ARHGEF26: variants seen among roughly 807,000 people sequenced by gnomAD.
ARHGEF26 encodes Rho guanine nucleotide exchange factor 26.
A neutral mutation model predicts 89.4 loss-of-function variants in ARHGEF26; 59 were observed. The ratio of observed to expected loss-of-function variants is 0.66; its 90% CI spans 0.54 to 0.82. The LOEUF (loss-of-function observed/expected upper bound fraction) is 0.82, where lower values mean the gene tolerates loss of function less well. Among genes scored for constraint, ARHGEF26 ranks in the 40% least tolerant of loss-of-function variants. The pLI, the probability that ARHGEF26 is intolerant of heterozygous loss-of-function variation, is 0.00. For missense variants in ARHGEF26, 1,234 were observed against 1,085.6 expected (o/e 1.14, Z -1.92); for synonymous variants, 500 against 428.4 (o/e 1.17, Z -2.06).
intron 6 of ARHGEF26, among the ~76,000 whole-genome samples, chr3:154,158,330 C>T (rs1340334702): frequency 1.3e-5 from 2 of 152,096 alleles, no homozygotes; most frequent in Non-Finnish European, 2.9e-5. Flanking sequence ...CTCTTATTAA[C>T]ACCTTCCTGT....
intron 6 of ARHGEF26, among the ~76,000 whole-genome samples, chr3:154,182,893 G>A (rs1004948853): frequency 1.6e-4 from 24 of 152,212 alleles, no homozygotes; most frequent in Admixed American, 1.6e-3. Flanking sequence ...CAAAAATGTA[G>A]TGCCACATTT....
chr3:154,134,541 G>C (rs1268307121), intron 4 of ARHGEF26, among the ~76,000 whole-genome samples: 1 of 152,014 alleles, frequency 6.6e-6, no homozygotes, highest in Non-Finnish European at 1.5e-5. Flanking sequence ...ACTCCCACCT[G>C]GTCCCCCCAA....
intron 4 of ARHGEF26, among the ~76,000 whole-genome samples, chr3:154,147,234 C>G (rs561754582): frequency 6.6e-6 from 1 of 152,072 alleles, no homozygotes; most frequent in Non-Finnish European, 1.5e-5. Flanking sequence ...GTGAAACCCC[C>G]TCTCCACTAA....
At chr3:154,156,263 G>T (rs1286156411) in intron 6 of ARHGEF26, among the ~76,000 whole-genome samples, 1 of 151,938 alleles carries the variant, frequency 6.6e-6, no homozygotes, top group Non-Finnish European at 1.5e-5. Flanking sequence ...TTTATTTAAA[G>T]TATAGACTAA....
chr3:154,123,448 T>G (rs1718124712), intron 2 of ARHGEF26, among the ~76,000 whole-genome samples: 1 of 152,154 alleles, frequency 6.6e-6, no homozygotes, highest in African/African-American at 2.4e-5. Context: ...TGTCTGGAGT[T>G]TGCTTAGAGG....
At chr3:154,177,907 A>G (rs1233601470) in intron 6 of ARHGEF26, among the ~76,000 whole-genome samples, 1 of 152,126 alleles carries the variant, frequency 6.6e-6, no homozygotes, top group African/African-American at 2.4e-5. Flanking sequence ...TGCACTTATT[A>G]AAAGGGCTTT....
In ARHGEF26 at chr3:154,226,069, G is replaced by A. The variant is rs970522649; in HGVS notation, c.2090+59G>A. The A allele has an allele frequency of 2.0e-6, 3 of 1,488,962 alleles. No individual in the cohort carries two copies. In the African/African-American group the frequency reaches 4.2e-5, roughly 21 times the overall value. The allele number at this position is 1,488,962 out of a possible 1,614,324, so 92.2% of individuals were successfully genotyped here. ...TCCAGTTTTAAAGTTCTGTAATTCA[G>A]ATGCCTGTTAGGGTGATCATCCTTT... On this transcript the variant is annotated intron_variant, in intron 11 of 14. Coordinates refer to ENST00000465093, the MANE Select transcript of ARHGEF26 (RefSeq NM_015595.4).
At chr3:154,163,711 G>A (rs1711806848) in intron 6 of ARHGEF26, among the ~76,000 whole-genome samples, 1 of 152,090 alleles carries the variant, frequency 6.6e-6, no homozygotes, top group Admixed American at 6.6e-5. Flanking sequence ...CAGCTCTGTG[G>A]CACATCATAA....
intron 6 of ARHGEF26, among the ~76,000 whole-genome samples, chr3:154,176,925 T>C (rs1019778292): frequency 2.0e-5 from 3 of 152,160 alleles, no homozygotes; most frequent in Non-Finnish European, 4.4e-5. Flanking sequence ...ATTATAGGCA[T>C]ACACCTCTGT....
chr3:154,201,429 G>C lies in ARHGEF26; in HGVS notation c.1845+6711G>C, dbSNP rs550493670. On this transcript the variant is annotated intron_variant, in intron 9 of 14. Transcript: ENST00000465093. ...TGTTGGACATTTGGGTTGGTTCCAA[G>C]TCTTTGCTATTGTGAATAGTGCCAC... is the stretch of plus-strand genomic sequence containing the variant. Among the ~76,000 whole-genome samples, 907 of 152,154 alleles carry C rather than the reference G, an allele frequency of 6.0e-3. 7 individuals are homozygous for C. Among genetic ancestry groups the C allele is most frequent in the African/African-American group, 0.021 (852 of 41,484 alleles).
In ARHGEF26 at chr3:154,255,320, C is replaced by G. The variant is rs115077881; in HGVS notation, c.2474-11C>G. On this transcript the variant is annotated splice_polypyrimidine_tract_variant and intron_variant, in intron 14 of 14. Transcript: ENST00000465093. ...CTTGTTGTTTGGTGTGGACTCTGTTCTTTTTCACAGGCTGGTATGAGGGGG... is the reference window on the plus strand; with the variant it reads ...CTTGTTGTTTGGTGTGGACTCTGTTGTTTTTCACAGGCTGGTATGAGGGGG... 1.2e-6 allele frequency: 2 copies of G among 1,610,068 alleles called. No homozygotes were observed. The highest frequency in any genetic ancestry group is 1.1e-5 in the South Asian group (1 of 90,446).
chr3:154,205,198 A>G (rs1030004021), intron 9 of ARHGEF26, among the ~76,000 whole-genome samples: 3 of 152,100 alleles, frequency 2.0e-5, no homozygotes, highest in Admixed American at 6.6e-5. Context: ...TGTTGAGTTC[A>G]TATATATTTA....
chr3:154,213,903 T>C (rs1715562299), intron 9 of ARHGEF26, among the ~76,000 whole-genome samples: 1 of 152,232 alleles, frequency 6.6e-6, no homozygotes, highest in Non-Finnish European at 1.5e-5. Context: ...AGGTGCTATA[T>C]TGGGCTCTGG....
chr3:154,206,614 G>A (rs1311893120), intron 9 of ARHGEF26, among the ~76,000 whole-genome samples: 2 of 152,138 alleles, frequency 1.3e-5, no homozygotes, highest in Non-Finnish European at 2.9e-5. Flanking sequence ...AATCAGAGAT[G>A]ACATAAACAG....
rs891407048 is a variant in ARHGEF26 at position 154,253,188 on chromosome 3, G to A, written c.2368+5G>A. ...AGCCGCCTGCAGACCGAACCTGTAA[G>A]TTCTCTCAAGGGGAAGCCCACTTGG... On this transcript the variant is annotated splice_donor_5th_base_variant and intron_variant, in intron 13 of 14. Transcript: ENST00000465093. The A allele has an allele frequency of 2.5e-6, 4 of 1,614,002 alleles. No homozygotes were observed. Among genetic ancestry groups the A allele is most frequent in the African/African-American group, 1.3e-5 (1 of 75,064 alleles).
chr3:154,175,655 C>T (rs1343498927), intron 6 of ARHGEF26, among the ~76,000 whole-genome samples: 1 of 152,124 alleles, frequency 6.6e-6, no homozygotes, highest in Admixed American at 6.5e-5. Context: ...ATTTTTGTTT[C>T]AAAGACCACT....
intron 6 of ARHGEF26, among the ~76,000 whole-genome samples, chr3:154,182,429 G>T (rs532446546): frequency 1.3e-5 from 2 of 152,278 alleles, no homozygotes; most frequent in South Asian, 2.1e-4. Flanking sequence ...TGATCACACT[G>T]TGTCAACCAG....
intron 9 of ARHGEF26, 113 bp downstream of exon 9, chr3:154,194,831 A>G (rs1714189749): frequency 4.6e-6 from 4 of 865,668 alleles, no homozygotes; most frequent in Non-Finnish European, 7.4e-6. Context: ...AGCCATTTGT[A>G]CAGCGTTCTT....
chr3:154,234,964 G>T (rs111990123), intron 11 of ARHGEF26, among the ~76,000 whole-genome samples: 19 of 151,946 alleles, frequency 1.3e-4, no homozygotes, highest in Non-Finnish European at 2.2e-4. Flanking sequence ...GGGTTTCACC[G>T]TGTTATCCAG....
Sources: allele counts gnomAD v4.1 joint callset (sites outside exome capture counted in the v4.1 genomes callset), GRCh38; gene constraint gnomAD v4.1.1; transcripts MANE v1.5; gene names NCBI Gene and HGNC (gene_info 2026-07-23, HGNC 2026-07-21).